RELN: variants seen among roughly 807,000 people sequenced by gnomAD.
RELN encodes reelin.
Under a neutral mutation model 427.6 loss-of-function variants are expected in RELN, and 108 were observed. That is an observed-to-expected ratio of 0.25 (90% CI 0.22 to 0.30). The LOEUF is 0.30. Among genes scored for constraint, RELN ranks in the 10% least tolerant of loss-of-function variants. The probability of loss-of-function intolerance (pLI) is 1.00; values close to 1 mark genes in which losing one functional copy is unlikely to be tolerated. For missense variants in RELN, 3,715 were observed against 4,302.8 expected, an observed-to-expected ratio of 0.86 and a Z score of 3.82; for synonymous variants, 1,524 against 1,513.4, an observed-to-expected ratio of 1.01 and a Z score of -0.16.
intron 43 of RELN, 66 bp downstream of exon 43, chr7:103,542,665 T>G (rs1830198512): frequency 1.3e-6 from 2 of 1,561,924 alleles, no homozygotes; most frequent in Non-Finnish European, 1.8e-6. Context: ...TTCCTTCTGA[T>G]TTGATTATGT....
chr7:103,836,856 C>T (rs925999403), intron 2 of RELN, among the ~76,000 whole-genome samples: 2 of 152,166 alleles, frequency 1.3e-5, no homozygotes, highest in African/African-American at 4.8e-5. Flanking sequence ...TGCTTCTTAA[C>T]TTTCTTTACT....
intron 11 of RELN, among the ~76,000 whole-genome samples, chr7:103,678,355 C>T (rs963651084): frequency 1.3e-5 from 2 of 152,052 alleles, no homozygotes; most frequent in Admixed American, 1.3e-4. Flanking sequence ...CAGAAAGACT[C>T]ACATAAATTA....
At chr7:103,753,058 G>T in intron 5 of RELN, 124 bp downstream of exon 5, 2 of 961,790 alleles carry the variant, frequency 2.1e-6, no homozygotes, top group Non-Finnish European at 3.3e-6. Context: ...TCCAATTTCA[G>T]TGACTGATCA....
At chr7:103,522,267 T>C (rs949663931) in intron 47 of RELN, 68 bp from the exon 48 acceptor site, 1 of 1,454,294 alleles carries the variant, frequency 6.9e-7, no homozygotes, top group Non-Finnish European at 9.6e-7. Context: ...GTTCTCAAAT[T>C]AGTGAAGACT....
At chr7:103,880,992 C>T (rs1409751113) in intron 2 of RELN, among the ~76,000 whole-genome samples, 1 of 152,158 alleles carries the variant, frequency 6.6e-6, no homozygotes, top group Admixed American at 6.5e-5. Context: ...CCACACCCAG[C>T]CTATTTCTTA....
At chr7:103,616,644 T>G (rs1371617471) in intron 20 of RELN, among the ~76,000 whole-genome samples, 6 of 152,068 alleles carry the variant, frequency 3.9e-5, no homozygotes, top group Admixed American at 6.6e-5. Context: ...TTCCAGACAG[T>G]TTTTCTCATG....
chr7:103,517,324 C>G (rs1297035022), intron 49 of RELN, among the ~76,000 whole-genome samples: 2 of 152,122 alleles, frequency 1.3e-5, no homozygotes, highest in African/African-American at 2.4e-5. Context: ...TCTTTTATCT[C>G]TATTTTTTCT....
rs187225327 is a variant in RELN at position 103,553,017 on chromosome 7, A to G, written c.6072+444T>C. On this transcript the variant is annotated intron_variant, in intron 40 of 64. Coordinates refer to ENST00000428762, the MANE Select transcript of RELN (RefSeq NM_005045.4). ...ATAAATATTAATAAAATACACAAAT[A>G]CATTTGAAATTATAAAACAGTATTA... 1.6e-3 allele frequency among the ~76,000 whole-genome samples: 242 copies of G among 152,282 alleles called. 1 individual carries two copies. Among genetic ancestry groups the G allele is most frequent in the African/African-American group, 5.3e-3 (222 of 41,564 alleles).
Position 103,906,600 on chromosome 7 carries a change from T to C in RELN, c.337+10475A>G, listed in dbSNP as rs573838788. Among the ~76,000 whole-genome samples, 11 of 152,274 alleles carry C rather than the reference T, an allele frequency of 7.2e-5. No individual in the cohort carries two copies. The South Asian group carries it at 2.1e-3, about 29-fold the overall frequency. On this transcript the variant is annotated intron_variant, in intron 2 of 64. Transcript: ENST00000428762. Reference sequence around the variant, plus strand: ...AGCCGTTATAGAGCATGGCTGCCCATAGCTCCTGAATGTTTACTTGTTCCT... The same window carrying C: ...AGCCGTTATAGAGCATGGCTGCCCACAGCTCCTGAATGTTTACTTGTTCCT...
chr7:103,964,884 A>C (rs555670276), intron 1 of RELN, among the ~76,000 whole-genome samples: 154 of 152,288 alleles, frequency 1.0e-3, no homozygotes, highest in Non-Finnish European at 1.3e-3. Context: ...CTGTGCATGC[A>C]TGTCAGCTCC....
At chr7:103,935,005 G>A (rs1795949833) in intron 1 of RELN, among the ~76,000 whole-genome samples, 1 of 152,146 alleles carries the variant, frequency 6.6e-6, no homozygotes, top group South Asian at 2.1e-4. Context: ...AATCACTGTG[G>A]CTACACAAGA....
In RELN at chr7:103,583,411, T is replaced by C. The variant is rs141604826; in HGVS notation, c.4145+6185A>G. 4.0e-3 allele frequency among the ~76,000 whole-genome samples: 606 copies of C among 152,352 alleles called. 5 individuals carry two copies. The highest frequency in any genetic ancestry group is 0.014 in the African/African-American group (571 of 41,580). On this transcript the variant is annotated intron_variant, in intron 28 of 64. Coordinates refer to ENST00000428762, the MANE Select transcript of RELN (RefSeq NM_005045.4). ...AGAACCCTAACTAATTCAGATTTGA[T>C]ATTGGGGAAGCCAAATATCACTCCT...
chr7:103,986,831 G>A (rs1009383828), intron 1 of RELN, among the ~76,000 whole-genome samples: 2 of 151,858 alleles, frequency 1.3e-5, no homozygotes, highest in Non-Finnish European at 1.5e-5. Context: ...AAGACTTCTT[G>A]GGCAAAAGAC....
intron 2 of RELN, among the ~76,000 whole-genome samples, chr7:103,892,489 C>T (rs897311279): frequency 6.6e-6 from 1 of 152,114 alleles, no homozygotes; most frequent in East Asian, 1.9e-4. Context: ...TACAATTCTT[C>T]CCCATGACAC....
chr7:103,617,918 C>G (rs1416812045), intron 20 of RELN, among the ~76,000 whole-genome samples: 2 of 152,100 alleles, frequency 1.3e-5, no homozygotes, highest in Non-Finnish European at 2.9e-5. Context: ...TCCCTGCCCT[C>G]TCTCCTGCTT....
chr7:103,556,302 C>A (rs1270008808), intron 38 of RELN, among the ~76,000 whole-genome samples: 1 of 152,012 alleles, frequency 6.6e-6, no homozygotes, highest in Non-Finnish European at 1.5e-5. Context: ...AATGTCATTA[C>A]AACTGATGAG....
chr7:103,501,924 C>T (rs938139897), intron 52 of RELN, among the ~76,000 whole-genome samples: 2 of 151,376 alleles, frequency 1.3e-5, no homozygotes, highest in African/African-American at 2.5e-5. Context: ...TCTCACTGGA[C>T]GTAAGTACGG....
chr7:103,798,667 T>C (rs155333), intron 3 of RELN, among the ~76,000 whole-genome samples: 114,221 of 152,078 alleles, frequency 0.75, 43,046 homozygotes, highest in Middle Eastern at 0.84. Context: ...CCCTTTCCCA[T>C]GAGGACATCT....
At chr7:103,829,234 T>C (rs1471297374) in intron 3 of RELN, among the ~76,000 whole-genome samples, 2 of 151,910 alleles carry the variant, frequency 1.3e-5, no homozygotes, top group Admixed American at 6.6e-5. Flanking sequence ...CTTTCCCTGG[T>C]AGTTTCTTGC....
Sources: gnomAD v4.1 joint callset for allele counts (sites outside exome capture counted in the v4.1 genomes callset) on GRCh38, gnomAD v4.1.1 for gene constraint, MANE v1.5 for transcripts, NCBI Gene and HGNC (gene_info 2026-07-23, HGNC 2026-07-21) for gene names.